The following C1QTNF3 variants were observed in gnomAD, a reference collection of about 807,000 sequenced individuals.
The protein encoded by C1QTNF3 is complement C1q tumor necrosis factor-related protein 3.
Under a neutral mutation model 32.6 loss-of-function variants are expected in C1QTNF3, and 26 were observed. That is an observed-to-expected ratio of 0.80 (90% CI 0.58 to 1.11). The LOEUF is 1.11. Among genes scored for constraint, C1QTNF3 ranks in the 50% least tolerant of loss-of-function variants. The probability of loss-of-function intolerance (pLI) is 0.00; values close to 1 mark genes in which losing one functional copy is unlikely to be tolerated. For missense variants in C1QTNF3, 362 were observed against 398.2 expected (o/e 0.91, Z 0.77); for synonymous variants, 155 against 146.0 (o/e 1.06, Z -0.44).
the C1QTNF3 span, among the ~76,000 whole-genome samples, chr5:34,238,988 C>T: frequency 1.3e-5 from 2 of 152,164 alleles, no homozygotes; most frequent in Non-Finnish European, 2.9e-5. Flanking sequence ...GAGCCTATGT[C>T]CAACATCATT....
the C1QTNF3 span, among the ~76,000 whole-genome samples, chr5:34,155,290 A>G: frequency 1.3e-5 from 2 of 152,198 alleles, no homozygotes; most frequent in African/African-American, 4.8e-5. Flanking sequence ...TGACCGAGGC[A>G]GTTTCTAAGG....
the C1QTNF3 span, among the ~76,000 whole-genome samples, chr5:34,207,515 T>C: frequency 6.6e-6 from 1 of 152,176 alleles, no homozygotes; most frequent in African/African-American, 2.4e-5. Context: ...CATATCTTTA[T>C]TAATATATAA....
chr5:34,104,188 C>CTA, the C1QTNF3 span, among the ~76,000 whole-genome samples: 1 of 77,766 alleles, frequency 1.3e-5, no homozygotes, highest in African/African-American at 5.1e-5. Context: ...ATAGGAAAGA[C>CTA]TGTCATAGAT....
At chr5:34,085,195 C>T in the C1QTNF3 span, among the ~76,000 whole-genome samples, 1 of 149,812 alleles carries the variant, frequency 6.7e-6, no homozygotes, top group Non-Finnish European at 1.5e-5. Flanking sequence ...CCGGGTTTCA[C>T]CGTGTTGGCC....
At chr5:34,221,182 A>C in the C1QTNF3 span, among the ~76,000 whole-genome samples, 1 of 152,150 alleles carries the variant, frequency 6.6e-6, no homozygotes, top group African/African-American at 2.4e-5. Flanking sequence ...ATACCAAGAT[A>C]TCACAAGGTC....
At chr5:34,128,255 G>T in the C1QTNF3 span, among the ~76,000 whole-genome samples, 1 of 152,176 alleles carries the variant, frequency 6.6e-6, no homozygotes, top group Non-Finnish European at 1.5e-5. Context: ...CCTCCACCTA[G>T]ATTTCAGATA....
At chr5:34,213,386 A>G in the C1QTNF3 span, among the ~76,000 whole-genome samples, 2 of 152,096 alleles carry the variant, frequency 1.3e-5, no homozygotes, top group Non-Finnish European at 2.9e-5. Context: ...TTTGTTGAGA[A>G]AAATCTGCAC....
chr5:34,083,789 T>G, the C1QTNF3 span, among the ~76,000 whole-genome samples: 8 of 151,840 alleles, frequency 5.3e-5, no homozygotes. Flanking sequence ...GTGCATTATT[T>G]CATTTACAAT....
In C1QTNF3 at chr5:34,017,869, C is replaced by T. The variant is rs952625824; in HGVS notation, c.*2714G>A. Among the ~76,000 whole-genome samples, 2 of 151,340 alleles carry T rather than the reference C, an allele frequency of 1.3e-5. No homozygotes were observed. Among genetic ancestry groups the T allele is most frequent in the Admixed American group, 6.6e-5 (1 of 15,224 alleles). On this transcript the variant is annotated 3_prime_UTR_variant, in exon 6 of 6. Coordinates refer to ENST00000382065, the MANE Select transcript of C1QTNF3 (RefSeq NM_181435.6). Reference sequence around the variant, plus strand: ...ATCAAAGGAAATAATTATATGCACACATAGTTTATTTTTTTAAAAAGAGAA... The same window carrying T: ...ATCAAAGGAAATAATTATATGCACATATAGTTTATTTTTTTAAAAAGAGAA...
chr5:34,107,047 A>G, the C1QTNF3 span, among the ~76,000 whole-genome samples: 1 of 76,936 alleles, frequency 1.3e-5, no homozygotes, highest in South Asian at 3.7e-4. Flanking sequence ...TAAAGGTTTT[A>G]ATGTGTAAGC....
At chr5:34,195,563 C>T in the C1QTNF3 span, among the ~76,000 whole-genome samples, 6 of 152,208 alleles carry the variant, frequency 3.9e-5, no homozygotes, top group Non-Finnish European at 8.8e-5. Flanking sequence ...TATGATAGGC[C>T]GGGCGCGGTG....
At chr5:34,145,246 T>G in the C1QTNF3 span, among the ~76,000 whole-genome samples, 2 of 152,080 alleles carry the variant, frequency 1.3e-5, no homozygotes, top group Non-Finnish European at 2.9e-5. Context: ...ACAAATAAGA[T>G]TGATAGAGCA....
chr5:34,044,431 G>T (rs946935912), upstream of C1QTNF3, among the ~76,000 whole-genome samples: 7 of 152,164 alleles, frequency 4.6e-5, no homozygotes, highest in South Asian at 6.2e-4. Flanking sequence ...GAGGCACTGT[G>T]GGAAACTGAG....
At chr5:34,212,457 G>T in the C1QTNF3 span, among the ~76,000 whole-genome samples, 2 of 151,940 alleles carry the variant, frequency 1.3e-5, no homozygotes, top group African/African-American at 4.8e-5. Flanking sequence ...TACCATCACA[G>T]TGAACAGGCA....
At chr5:34,146,202 G>C in the C1QTNF3 span, among the ~76,000 whole-genome samples, 1 of 152,146 alleles carries the variant, frequency 6.6e-6, no homozygotes, top group African/African-American at 2.4e-5. Flanking sequence ...AGAAAAAGAA[G>C]ATGACACTAA....
chr5:34,125,273 A>T, the C1QTNF3 span, among the ~76,000 whole-genome samples: 80 of 152,124 alleles, frequency 5.3e-4, no homozygotes, highest in Middle Eastern at 0.014. Context: ...TAAGCTAAGG[A>T]AATTTTATAA....
At chr5:34,216,993 GAA>G in the C1QTNF3 span, among the ~76,000 whole-genome samples, 1 of 152,026 alleles carries the variant, frequency 6.6e-6, no homozygotes, top group Non-Finnish European at 1.5e-5. Flanking sequence ...ATAATTAACA[GAA>G]AAATTATTGT....
At chr5:34,032,575 T>C (rs1465361620) in intron 3 of C1QTNF3, among the ~76,000 whole-genome samples, 5 of 152,180 alleles carry the variant, frequency 3.3e-5, no homozygotes, top group African/African-American at 1.2e-4. Flanking sequence ...GGCAGGCAGA[T>C]CACTTCAGGC....
the C1QTNF3 span, among the ~76,000 whole-genome samples, chr5:34,103,127 A>C: frequency 2.0e-5 from 3 of 152,292 alleles, no homozygotes; most frequent in East Asian, 3.9e-4. Flanking sequence ...TTCTGCATTT[A>C]GTGGCATGAA....
Sources: allele counts gnomAD v4.1 joint callset (sites outside exome capture counted in the v4.1 genomes callset), GRCh38; gene constraint gnomAD v4.1.1; transcripts MANE v1.5; gene names NCBI Gene and HGNC (gene_info 2026-07-23, HGNC 2026-07-21).